NBEA: variants seen among roughly 807,000 people sequenced by gnomAD.
NBEA encodes lysosomal-trafficking regulator 2.
Under a neutral mutation model 343.4 loss-of-function variants are expected in NBEA, and 44 were observed. The observed-to-expected ratio is 0.13, with a 90% CI of 0.10 to 0.16. The LOEUF (loss-of-function observed/expected upper bound fraction) is 0.16. Ranked by LOEUF, NBEA falls within the 10% of genes least tolerant of loss-of-function variation. The pLI is 1.00. For synonymous variants in NBEA, 1,175 were observed against 1,238.7 expected (o/e 0.95, Z 1.08); for missense variants, 2,555 against 3,631.3 (o/e 0.70, Z 7.62).
chr13:35,432,558 A>G (rs1367187194), intron 39 of NBEA, among the ~76,000 whole-genome samples, 165 bp downstream of exon 39: 2 of 152,104 alleles, frequency 1.3e-5, no homozygotes, highest in East Asian at 3.9e-4. Context: ...GTTACTGTTA[A>G]TCAACCCAAT....
At chr13:35,152,568 G>A (rs1021650596) in intron 18 of NBEA, among the ~76,000 whole-genome samples, 2 of 152,126 alleles carry the variant, frequency 1.3e-5, no homozygotes, top group African/African-American at 4.8e-5. Context: ...AGCTTCAGTA[G>A]CCCCTGCTTC....
At chr13:35,326,015 A>T (rs2038534882) in intron 36 of NBEA, among the ~76,000 whole-genome samples, 1 of 151,926 alleles carries the variant, frequency 6.6e-6, no homozygotes, top group Non-Finnish European at 1.5e-5. Context: ...ATTGGTTTGT[A>T]TGTGTGTTGT....
chr13:35,623,090 G>T (rs910276896), intron 48 of NBEA, among the ~76,000 whole-genome samples: 1 of 152,112 alleles, frequency 6.6e-6, no homozygotes, highest in African/African-American at 2.4e-5. Context: ...TAGGCTTAAC[G>T]CAATTGCTTC....
At chr13:35,410,005 GGATCTTTTT>G (rs2043492564) in intron 38 of NBEA, among the ~76,000 whole-genome samples, 1 of 151,934 alleles carries the variant, frequency 6.6e-6, no homozygotes, top group Non-Finnish European at 1.5e-5. Context: ...TATTAGTGGG[GGATCTTTTT>G]GATTTGATAC....
intron 33 of NBEA, among the ~76,000 whole-genome samples, chr13:35,228,900 A>C (rs1005926841): frequency 3.3e-5 from 5 of 152,102 alleles, no homozygotes; most frequent in African/African-American, 4.8e-5. Flanking sequence ...ACTTAACCAA[A>C]TATTAAGTTA....
chr13:35,615,768 A>G (rs2082715148), intron 48 of NBEA, among the ~76,000 whole-genome samples: 1 of 152,186 alleles, frequency 6.6e-6, no homozygotes, highest in South Asian at 2.1e-4. Context: ...GAGAGGAGAA[A>G]GGAGAAGAGA....
intron 1 of NBEA, among the ~76,000 whole-genome samples, chr13:35,018,250 A>G (rs934625215): frequency 2.0e-5 from 3 of 152,054 alleles, no homozygotes; most frequent in East Asian, 3.9e-4. Context: ...GAATTTCCAT[A>G]TACGTTTTGT....
chr13:35,231,082 A>C (rs1289228039), intron 33 of NBEA, among the ~76,000 whole-genome samples: 3 of 152,088 alleles, frequency 2.0e-5, no homozygotes, highest in Non-Finnish European at 4.4e-5. Context: ...TCTTACGGGA[A>C]AATGTTCCTC....
At chr13:35,476,294 TCCCTGCTGCTGCTGC>T in intron 41 of NBEA, 2 of 925,580 alleles carry the variant, frequency 2.2e-6, no homozygotes, top group South Asian at 3.0e-5. Flanking sequence ...AGCGTTGGTT[TCCCTGCTGCTGCTGC>T]TGCTGCTGCT....
intron 41 of NBEA, among the ~76,000 whole-genome samples, chr13:35,493,249 G>A (rs1197055860): frequency 6.6e-6 from 1 of 151,848 alleles, no homozygotes; most frequent in Non-Finnish European, 1.5e-5. Context: ...GGGGTTGCTG[G>A]GATTTTGGAA....
At chr13:35,223,344 C>T (rs2074478662) in intron 33 of NBEA, among the ~76,000 whole-genome samples, 1 of 152,002 alleles carries the variant, frequency 6.6e-6, no homozygotes, top group African/African-American at 2.4e-5. Context: ...GAATTACCTC[C>T]GTTTTTGTTG....
At chr13:35,234,948 G>C (rs1370253322) in intron 34 of NBEA, among the ~76,000 whole-genome samples, 1 of 152,030 alleles carries the variant, frequency 6.6e-6, no homozygotes, top group African/African-American at 2.4e-5. Flanking sequence ...TTTTTCTTTA[G>C]CTCTTTTCTC....
chr13:35,407,517 CAAAA>C (rs11355447), intron 38 of NBEA, among the ~76,000 whole-genome samples: 3 of 135,184 alleles, frequency 2.2e-5, no homozygotes, highest in Admixed American at 7.2e-5. Flanking sequence ...TGCATCATTT[CAAAA>C]AAAAAAAAAA....
chr13:35,253,109 A>T (rs1256925337), intron 34 of NBEA, among the ~76,000 whole-genome samples: 1 of 152,204 alleles, frequency 6.6e-6, no homozygotes, highest in Non-Finnish European at 1.5e-5. Context: ...GGAAACAACC[A>T]TGGGAAGAAA....
At chr13:35,090,073 T>C (rs2065002614) in intron 10 of NBEA, among the ~76,000 whole-genome samples, 1 of 149,992 alleles carries the variant, frequency 6.7e-6, no homozygotes, top group Non-Finnish European at 1.5e-5. Flanking sequence ...AATAAATAAA[T>C]AAATAAATAA....
chr13:35,269,517 A>T (rs1160000927), intron 34 of NBEA, among the ~76,000 whole-genome samples: 1 of 152,200 alleles, frequency 6.6e-6, no homozygotes, highest in Non-Finnish European at 1.5e-5. Flanking sequence ...AGAAGTCAAC[A>T]GAAGGAAGAT....
chr13:35,098,155 A>G, intron 10 of NBEA, 142 bp from the exon 11 acceptor site: 2 of 518,360 alleles, frequency 3.9e-6, no homozygotes, highest in Admixed American at 3.6e-5. Context: ...CTTTCATAAT[A>G]TAAGGCATAA....
chr13:35,132,099 A>G (rs1276553368), intron 17 of NBEA, among the ~76,000 whole-genome samples: 3 of 152,188 alleles, frequency 2.0e-5, no homozygotes, highest in African/African-American at 7.2e-5. Context: ...GAATGTATCC[A>G]AAAGAAGTGA....
In NBEA at chr13:35,606,532, C is replaced by A; in HGVS notation, c.7403C>A (p.Pro2468His). Residue 2468 changes from proline to histidine, a missense_variant, in exon 48 of 59, where the codon CCC becomes CAC. By Grantham distance (77) the Pro-to-His change is moderately conservative (BLOSUM62 -2). Around this residue, in one of 21 missense-constraint regions of NBEA, gnomAD observed 156 missense variants for 185.8 expected, o/e 0.84. Transcript: ENST00000379939. ...DEVVVNDVDL[P>H]PWAKKPEDFV... The stretch of plus-strand genomic sequence containing the variant: ...GTAGTGGTAAATGATGTTGATCTTC[C>A]CCCTTGGGCAAAAAAACCTGAAGAC... 6.2e-7 allele frequency: 1 copy of A among 1,606,856 alleles called. No homozygotes were observed. The highest frequency in any genetic ancestry group is 8.5e-7 in the Non-Finnish European group (1 of 1,175,512).
Sources: gnomAD v4.1 joint callset for allele counts (sites outside exome capture counted in the v4.1 genomes callset) on GRCh38, gnomAD v4.1.1 for gene constraint, gnomAD v4.1.1 regional missense constraint, MANE v1.5 for transcripts, NCBI Gene and HGNC (gene_info 2026-07-23, HGNC 2026-07-21) for gene names.